The following PTPRG variants were observed in gnomAD, a reference collection of about 807,000 sequenced individuals.
The protein encoded by PTPRG is protein tyrosine phosphatase receptor type G, also known as receptor-type tyrosine-protein phosphatase gamma.
In PTPRG, 102 loss-of-function variants were observed where a neutral mutation model predicts 165.3. The observed-to-expected ratio is 0.62, with a 90% CI of 0.53 to 0.73. The LOEUF (loss-of-function observed/expected upper bound fraction) is 0.73. PTPRG is among the 30% of genes least tolerant of loss of function. PTPRG has a pLI of 0.00. For missense variants in PTPRG, 1,866 were observed against 1,861.4 expected (o/e 1.00, Z -0.05); for synonymous variants, 675 against 669.5 (o/e 1.01, Z -0.13).
chr3:61,807,071 A>T (rs975267504), intron 2 of PTPRG, among the ~76,000 whole-genome samples: 5 of 152,180 alleles, frequency 3.3e-5, no homozygotes, highest in African/African-American at 1.2e-4. Flanking sequence ...ACAATTCAGG[A>T]TATTGTATTT....
intron 7 of PTPRG, among the ~76,000 whole-genome samples, chr3:62,159,288 G>C (rs945336196): frequency 2.0e-5 from 3 of 152,020 alleles, no homozygotes; most frequent in Non-Finnish European, 4.4e-5. Context: ...CTGTGATCAT[G>C]CCACTGCGCT....
intron 1 of PTPRG, among the ~76,000 whole-genome samples, chr3:61,694,568 A>G (rs1013251363): frequency 2.6e-5 from 4 of 152,194 alleles, no homozygotes; most frequent in Non-Finnish European, 4.4e-5. Flanking sequence ...AAATTATCCC[A>G]TGGAAAAACT....
chr3:61,575,503 AATGG>A, intron 1 of PTPRG, among the ~76,000 whole-genome samples: 1 of 152,250 alleles, frequency 6.6e-6, no homozygotes, highest in East Asian at 1.9e-4. Flanking sequence ...TTACCTTTAA[AATGG>A]GGATAATGAG....
At chr3:61,821,135 T>C (rs1415600477) in intron 2 of PTPRG, among the ~76,000 whole-genome samples, 1 of 152,138 alleles carries the variant, frequency 6.6e-6, no homozygotes, top group Non-Finnish European at 1.5e-5. Flanking sequence ...ATTAATCATA[T>C]TAGTTATGAT....
At chr3:62,020,979 CTA>C (rs2041676380) in intron 4 of PTPRG, among the ~76,000 whole-genome samples, 1 of 151,974 alleles carries the variant, frequency 6.6e-6, no homozygotes, top group Non-Finnish European at 1.5e-5. Context: ...CTGGCCTCAT[CTA>C]TGTTTTTTAA....
At chr3:62,167,875 A>T in intron 7 of PTPRG, 96 bp from the exon 8 acceptor site, 1 of 1,267,306 alleles carries the variant, frequency 7.9e-7, no homozygotes, top group East Asian at 2.3e-5. Context: ...TGCTCTTATC[A>T]CCTTCACCTG....
intron 1 of PTPRG, among the ~76,000 whole-genome samples, chr3:61,571,488 G>A (rs1345046233): frequency 6.6e-6 from 1 of 152,172 alleles, no homozygotes; most frequent in Non-Finnish European, 1.5e-5. Flanking sequence ...GTGTCTTCCT[G>A]TACTTGCTAC....
At chr3:62,243,957 G>T in intron 15 of PTPRG, 59 bp downstream of exon 15, 1 of 1,073,226 alleles carries the variant, frequency 9.3e-7, no homozygotes. Context: ...TTTATTCTCA[G>T]TTTTATGTGA....
At chr3:62,106,548 T>C (rs1168868624) in intron 5 of PTPRG, among the ~76,000 whole-genome samples, 1 of 146,526 alleles carries the variant, frequency 6.8e-6, no homozygotes, top group African/African-American at 2.5e-5. Flanking sequence ...TTGCCCAGGC[T>C]GGGGTGCAGT....
At chr3:62,259,882 G>C (rs1701641422) in intron 16 of PTPRG, among the ~76,000 whole-genome samples, 1 of 152,152 alleles carries the variant, frequency 6.6e-6, no homozygotes. Flanking sequence ...AAAGGGTATG[G>C]AGTTAATATT....
intron 6 of PTPRG, among the ~76,000 whole-genome samples, chr3:62,146,240 AC>A (rs1704116334): frequency 6.6e-6 from 1 of 152,204 alleles, no homozygotes; most frequent in South Asian, 2.1e-4. Flanking sequence ...TTAAACATCA[AC>A]CCTTAAATCA....
At chr3:61,700,320 G>A (rs1575597354) in intron 1 of PTPRG, among the ~76,000 whole-genome samples, 1 of 152,060 alleles carries the variant, frequency 6.6e-6, no homozygotes, top group East Asian at 1.9e-4. Flanking sequence ...TTTGATACCT[G>A]CAAGTAAATA....
intron 2 of PTPRG, among the ~76,000 whole-genome samples, chr3:61,813,789 T>A (rs1391312370): frequency 6.6e-6 from 1 of 152,072 alleles, no homozygotes; most frequent in Non-Finnish European, 1.5e-5. Flanking sequence ...AGAAGCAAGG[T>A]CTCGAAGTGG....
intron 1 of PTPRG, among the ~76,000 whole-genome samples, chr3:61,573,265 G>C (rs550486447): frequency 5.9e-5 from 9 of 152,180 alleles, no homozygotes; most frequent in East Asian, 1.9e-4. Context: ...GGGGGACAAG[G>C]GGGGGAAAGC....
chr3:61,973,816 G>A (rs1228737071), intron 2 of PTPRG, among the ~76,000 whole-genome samples: 1 of 150,924 alleles, frequency 6.6e-6, no homozygotes, highest in East Asian at 1.9e-4. Context: ...CTTGGTGACA[G>A]AGCGAGACTC....
At chr3:61,922,961 A>T (rs2039116104) in intron 2 of PTPRG, among the ~76,000 whole-genome samples, 1 of 152,148 alleles carries the variant, frequency 6.6e-6, no homozygotes, top group East Asian at 1.9e-4. Context: ...TCTTTAAAAC[A>T]TTATTTCTAT....
intron 4 of PTPRG, among the ~76,000 whole-genome samples, chr3:62,063,296 C>G (rs1035817386): frequency 1.3e-5 from 2 of 152,176 alleles, no homozygotes; most frequent in Non-Finnish European, 2.9e-5. Flanking sequence ...GAACTATGAT[C>G]AAAGCTACAA....
intron 2 of PTPRG, among the ~76,000 whole-genome samples, chr3:61,795,215 A>T (rs958329000): frequency 6.6e-6 from 1 of 152,152 alleles, no homozygotes; most frequent in Non-Finnish European, 1.5e-5. Context: ...AGTCATGGTG[A>T]TCTGAGTCTA....
At chr3:61,700,128 T>C (rs2030872925) in intron 1 of PTPRG, among the ~76,000 whole-genome samples, 1 of 152,094 alleles carries the variant, frequency 6.6e-6, no homozygotes, top group South Asian at 2.1e-4. Flanking sequence ...ATGCCCAAAG[T>C]CTCCTTATTC....
Sources: gnomAD v4.1 joint callset for allele counts (sites outside exome capture counted in the v4.1 genomes callset) on GRCh38, gnomAD v4.1.1 for gene constraint, MANE v1.5 for transcripts, NCBI Gene and HGNC (gene_info 2026-07-23, HGNC 2026-07-21) for gene names.